NREP: variants seen among roughly 807,000 people sequenced by gnomAD.
The protein encoded by NREP is neuronal regeneration related protein.
Under a neutral mutation model 8.6 loss-of-function variants are expected in NREP, and 5 were observed. The observed-to-expected ratio is 0.58, with a 90% CI of 0.30 to 1.22. NREP has a LOEUF of 1.22. Among genes scored for constraint, NREP ranks in the 50% most tolerant of loss-of-function variants. The probability of loss-of-function intolerance (pLI) is 0.07; values close to 1 mark genes in which losing one functional copy is unlikely to be tolerated. For missense variants in NREP, 86 were observed against 82.5 expected (o/e 1.04, Z -0.17); for synonymous variants, 27 against 28.0 (o/e 0.96, Z 0.11).
chr5:111,880,173 C>G (rs1248378418), intron 2 of NREP, among the ~76,000 whole-genome samples: 1 of 151,666 alleles, frequency 6.6e-6, no homozygotes, highest in Non-Finnish European at 1.5e-5. Flanking sequence ...ATTTTTTTTT[C>G]ACCTCTCTCT....
intron 2 of NREP, among the ~76,000 whole-genome samples, chr5:111,795,321 T>C (rs915642706): frequency 1.4e-4 from 22 of 152,224 alleles, no homozygotes; most frequent in Non-Finnish European, 1.5e-4. Flanking sequence ...TGTAGGAAAC[T>C]TCAAGATGAT....
chr5:111,781,882 T>C (rs1195925294), intron 2 of NREP, among the ~76,000 whole-genome samples: 1 of 152,226 alleles, frequency 6.6e-6, no homozygotes, highest in African/African-American at 2.4e-5. Flanking sequence ...ACTTCAAGGA[T>C]AGCCAATGAG....
At chr5:111,814,190 C>T (rs953823478) in intron 2 of NREP, among the ~76,000 whole-genome samples, 1 of 151,948 alleles carries the variant, frequency 6.6e-6, no homozygotes, top group African/African-American at 2.4e-5. Context: ...AATATAATGT[C>T]CTTAGATTAT....
chr5:111,962,446 CT>C (rs1253547357), intron 2 of NREP, among the ~76,000 whole-genome samples: 1 of 152,132 alleles, frequency 6.6e-6, no homozygotes, highest in African/African-American at 2.4e-5. Context: ...CTTTTCCTTT[CT>C]TAAATAGTTG....
At chr5:111,953,534 T>G (rs1756224644) in intron 2 of NREP, among the ~76,000 whole-genome samples, 9 of 152,194 alleles carry the variant, frequency 5.9e-5, no homozygotes, top group Admixed American at 5.9e-4. Flanking sequence ...TCAGGCATCA[T>G]GAGTTCGTGC....
chr5:111,885,567 A>T (rs1754220838), intron 2 of NREP, among the ~76,000 whole-genome samples: 1 of 152,186 alleles, frequency 6.6e-6, no homozygotes, highest in African/African-American at 2.4e-5. Context: ...CCTGACTTCA[A>T]ACTATACTAC....
At chr5:111,902,299 A>G (rs1754666500) in intron 2 of NREP, among the ~76,000 whole-genome samples, 1 of 152,162 alleles carries the variant, frequency 6.6e-6, no homozygotes, top group Admixed American at 6.6e-5. Context: ...AATCAACTCG[A>G]GATGGATTAA....
chr5:111,744,925 C>T (rs1283545933), intron 2 of NREP, among the ~76,000 whole-genome samples: 1 of 152,142 alleles, frequency 6.6e-6, no homozygotes, highest in Non-Finnish European at 1.5e-5. Flanking sequence ...CTCAGTCTTT[C>T]TTCCATTGTA....
chr5:111,810,913 AC>A (rs1379097417), intron 2 of NREP, among the ~76,000 whole-genome samples: 1 of 152,190 alleles, frequency 6.6e-6, no homozygotes, highest in Non-Finnish European at 1.5e-5. Flanking sequence ...AGTACTACAT[AC>A]TTATTCAAAA....
intron 2 of NREP, among the ~76,000 whole-genome samples, chr5:111,832,378 C>T (rs911422092): frequency 6.6e-6 from 1 of 151,988 alleles, no homozygotes; most frequent in Non-Finnish European, 1.5e-5. Flanking sequence ...ACAACAACAA[C>T]AAAACATTAG....
chr5:111,898,372 T>G (rs991076504), intron 2 of NREP, among the ~76,000 whole-genome samples: 1 of 152,152 alleles, frequency 6.6e-6, no homozygotes, highest in Non-Finnish European at 1.5e-5. Flanking sequence ...ACGTATTGGC[T>G]GAGGGGTGGA....
chr5:111,815,880 G>T (rs929893918), intron 2 of NREP, among the ~76,000 whole-genome samples: 1 of 152,074 alleles, frequency 6.6e-6, no homozygotes, highest in African/African-American at 2.4e-5. Flanking sequence ...GACACCACAC[G>T]TAAGATAAGG....
At chr5:111,828,317 C>A (rs371424203) in intron 2 of NREP, among the ~76,000 whole-genome samples, 2 of 152,096 alleles carry the variant, frequency 1.3e-5, no homozygotes, top group East Asian at 1.9e-4. Flanking sequence ...GCGTGAGACA[C>A]CGCGCCCGGC....
chr5:111,944,113 A>C (rs1755910243), intron 2 of NREP, among the ~76,000 whole-genome samples: 1 of 152,080 alleles, frequency 6.6e-6, no homozygotes, highest in African/African-American at 2.4e-5. Context: ...AATTTCCAAA[A>C]GTCTTCTTAG....
At chr5:111,861,349 T>C (rs947826925) in intron 2 of NREP, among the ~76,000 whole-genome samples, 1 of 152,144 alleles carries the variant, frequency 6.6e-6, no homozygotes, top group Non-Finnish European at 1.5e-5. Context: ...TAGTAGTGAC[T>C]CTGGTGGCTA....
chr5:111,926,350 A>G (rs973022496), intron 2 of NREP, among the ~76,000 whole-genome samples: 1 of 152,102 alleles, frequency 6.6e-6, no homozygotes, highest in South Asian at 2.1e-4. Flanking sequence ...TTGTTTTCTT[A>G]GCTTTGGGGT....
chr5:111,823,529 T>A (rs951029615), intron 2 of NREP, among the ~76,000 whole-genome samples: 1 of 152,312 alleles, frequency 6.6e-6, no homozygotes, highest in Admixed American at 6.5e-5. Context: ...AATAGAATGA[T>A]ATAAAGAGTT....
intron 2 of NREP, among the ~76,000 whole-genome samples, chr5:111,962,311 T>C (rs1475152454): frequency 2.6e-5 from 4 of 151,980 alleles, no homozygotes; most frequent in East Asian, 1.9e-4. Context: ...CTGATGTAGA[T>C]GACTGAGCCA....
intron 1 of NREP, among the ~76,000 whole-genome samples, chr5:111,756,583 C>G (rs1394500877): frequency 6.6e-6 from 1 of 152,050 alleles, no homozygotes; most frequent in African/African-American, 2.4e-5. Context: ...TTATTATAAT[C>G]ACCAAGAAAA....
Sources: gnomAD v4.1 joint callset for allele counts (sites outside exome capture counted in the v4.1 genomes callset) on GRCh38, gnomAD v4.1.1 for gene constraint, MANE v1.5 for transcripts, NCBI Gene and HGNC (gene_info 2026-07-23, HGNC 2026-07-21) for gene names.